GRIA2: variants seen among roughly 807,000 people sequenced by gnomAD.
The protein encoded by GRIA2 is glutamate receptor 2.
GRIA2 carries 14 observed loss-of-function variants against 97.3 expected under a neutral mutation model. That is an observed-to-expected ratio of 0.14 (90% confidence interval 0.10 to 0.23). The LOEUF is 0.23. Ranked by LOEUF, GRIA2 falls within the 10% of genes least tolerant of loss-of-function variation. The pLI, the probability that GRIA2 is intolerant of heterozygous loss-of-function variation, is 1.00. For missense variants in GRIA2, 558 were observed against 1,069.8 expected, an observed-to-expected ratio of 0.52 and a Z score of 6.67; for synonymous variants, 412 against 387.8, an observed-to-expected ratio of 1.06 and a Z score of -0.73.
intron 2 of GRIA2, among the ~76,000 whole-genome samples, chr4:157,223,651 T>C (rs575079867): frequency 5.6e-4 from 85 of 152,332 alleles, no homozygotes; most frequent in African/African-American, 1.7e-3. Flanking sequence ...TGTATACTTA[T>C]GTGAAAATGC....
chr4:157,344,205 G>A (rs1027319725), intron 12 of GRIA2, among the ~76,000 whole-genome samples: 1 of 151,994 alleles, frequency 6.6e-6, no homozygotes, highest in Non-Finnish European at 1.5e-5. Flanking sequence ...TTAAATCATA[G>A]GGTCAACTGT....
intron 2 of GRIA2, among the ~76,000 whole-genome samples, chr4:157,231,668 A>C (rs1208819946): frequency 6.6e-6 from 1 of 152,222 alleles, no homozygotes; most frequent in Non-Finnish European, 1.5e-5. Flanking sequence ...GGAATGTGTC[A>C]TAGTAAAGTT....
chr4:157,331,499 T>C (rs765544880), intron 6 of GRIA2, among the ~76,000 whole-genome samples: 43 of 152,084 alleles, frequency 2.8e-4, no homozygotes, highest in Non-Finnish European at 1.0e-4. Flanking sequence ...TTGTAAGAAT[T>C]ATCTTGGCAA....
chr4:157,241,178 T>C (rs994460238), intron 2 of GRIA2, among the ~76,000 whole-genome samples: 3 of 152,122 alleles, frequency 2.0e-5, no homozygotes, highest in Non-Finnish European at 4.4e-5. Flanking sequence ...TCCTCTCATA[T>C]GTGATTGAAG....
intron 6 of GRIA2, among the ~76,000 whole-genome samples, chr4:157,322,242 A>AGAGTGTGT (rs1203655628): frequency 7.3e-6 from 1 of 137,158 alleles, no homozygotes; most frequent in South Asian, 2.4e-4. Context: ...AGAGAGAGAG[A>AGAGTGTGT]GTGTGTGTGT....
chr4:157,354,439 A>G (rs1736157068), intron 12 of GRIA2, among the ~76,000 whole-genome samples: 1 of 152,166 alleles, frequency 6.6e-6, no homozygotes, highest in East Asian at 1.9e-4. Flanking sequence ...GGATATTAAT[A>G]TGATACACTG....
chr4:157,362,548 G>C, intron 14 of GRIA2: 1 of 587,744 alleles, frequency 1.7e-6, no homozygotes, highest in South Asian at 1.6e-5. Flanking sequence ...AAATGTTTAA[G>C]AAATGAATAA....
intron 2 of GRIA2, among the ~76,000 whole-genome samples, chr4:157,287,693 C>T (rs895066444): frequency 1.3e-5 from 2 of 151,396 alleles, no homozygotes; most frequent in Admixed American, 6.6e-5. Flanking sequence ...AGAGCAGAGT[C>T]GAGTAAGAGA....
chr4:157,326,667 G>A (rs547388559), intron 6 of GRIA2, among the ~76,000 whole-genome samples: 19 of 152,220 alleles, frequency 1.2e-4, no homozygotes, highest in African/African-American at 4.6e-4. Flanking sequence ...AAAGGAACTA[G>A]GATATGTAAT....
Position 157,317,699 on chromosome 4 carries a change from C to A in GRIA2, c.708C>A (p.Ile236=). ...IGKHVKGYHY[I]IANLGFTDGD... ...AACATGTTAAAGGGTACCACTACAT[C>A]ATTGCAAATCTGGTAGGTGAATTAA... The change falls in exon 5 of 16, where the codon ATC becomes ATA. Residue 236 remains isoleucine (I), a synonymous_variant. Transcript: ENST00000264426. The A allele has an allele frequency of 1.6e-6, 2 of 1,224,790 alleles. No homozygotes were observed. Among genetic ancestry groups the A allele is most frequent in the Non-Finnish European group, 2.4e-6 (2 of 831,708 alleles). 75.9% of individuals were successfully genotyped at this position (1,224,790 alleles called of 1,614,324 possible).
intron 2 of GRIA2, among the ~76,000 whole-genome samples, chr4:157,258,225 C>T (rs570438612): frequency 5.3e-4 from 80 of 152,118 alleles, no homozygotes; most frequent in African/African-American, 1.7e-3. Flanking sequence ...GCCTGAGAGC[C>T]GGGTGGAACA....
At chr4:157,238,371 A>G (rs1469493791) in intron 2 of GRIA2, among the ~76,000 whole-genome samples, 1 of 152,154 alleles carries the variant, frequency 6.6e-6, no homozygotes, top group Non-Finnish European at 1.5e-5. Flanking sequence ...ATGAGCAAAG[A>G]CCTTGAAGAC....
At chr4:157,341,066 GTA>G (rs1735526250) in intron 11 of GRIA2, among the ~76,000 whole-genome samples, 196 bp from the exon 12 acceptor site, 1 of 152,008 alleles carries the variant, frequency 6.6e-6, no homozygotes, top group African/African-American at 2.4e-5. Context: ...TGACCTGTGT[GTA>G]TGTTATTAAA....
At position 157,335,654 on chromosome 4, in the gene GRIA2, A is replaced by T. The variant is rs777422179; in HGVS notation, c.1267-17A>T. ...CACAGATATTTTAATCAGCTAAAGC[A>T]AAGTCTTTTCATATAGGAATCTCCG... On this transcript the variant is annotated splice_polypyrimidine_tract_variant and intron_variant, in intron 9 of 15. Coordinates refer to ENST00000264426, the MANE Select transcript of GRIA2 (RefSeq NM_001083619.3). 2.7e-6 allele frequency: 4 copies of T among 1,488,588 alleles called. No homozygotes were observed. Among genetic ancestry groups the T allele is most frequent in the South Asian group, 2.3e-5 (2 of 88,478 alleles). The allele number at this position is 1,488,588 out of a possible 1,614,324, so 92.2% of individuals were successfully genotyped here.
intron 12 of GRIA2, among the ~76,000 whole-genome samples, chr4:157,343,680 T>C (rs1735645464): frequency 6.6e-6 from 1 of 152,066 alleles, no homozygotes; most frequent in African/African-American, 2.4e-5. Flanking sequence ...GGGCTCAAAC[T>C]TGTTTAAAAT....
intron 1 of GRIA2, 126 bp from the exon 2 acceptor site, chr4:157,221,541 A>G: frequency 1.1e-6 from 1 of 928,396 alleles, no homozygotes; most frequent in Non-Finnish European, 1.7e-6. Context: ...CCGAGTCCGT[A>G]GGTGTGTTTA....
At chr4:157,356,418 T>C (rs28693583) in intron 12 of GRIA2, among the ~76,000 whole-genome samples, 28,481 of 151,166 alleles carry the variant, frequency 0.19, 4,337 homozygotes, top group African/African-American at 0.43. Context: ...GTATTACAGA[T>C]GATGGGAAAT....
intron 12 of GRIA2, among the ~76,000 whole-genome samples, chr4:157,343,086 C>G (rs912153795): frequency 2.6e-5 from 4 of 152,082 alleles, no homozygotes; most frequent in African/African-American, 9.7e-5. Flanking sequence ...TGTTGCTACT[C>G]TTTTGTTTCA....
chr4:157,249,689 T>G (rs556405201), intron 2 of GRIA2: 1 of 152,282 alleles, frequency 6.6e-6, no homozygotes, highest in East Asian at 1.9e-4. Flanking sequence ...AGAATGGCAT[T>G]ATGCTTAACG....
Sources: allele counts gnomAD v4.1 joint callset (sites outside exome capture counted in the v4.1 genomes callset), GRCh38; gene constraint gnomAD v4.1.1; transcripts MANE v1.5; gene names NCBI Gene and HGNC (gene_info 2026-07-23, HGNC 2026-07-21).